The following TRAPPC8 variants were observed in gnomAD, a reference collection of about 807,000 sequenced individuals.
TRAPPC8 encodes the protein general sporulation gene 1 homolog.
In TRAPPC8, 54 loss-of-function variants were observed where a neutral mutation model predicts 174.3. The ratio of observed to expected loss-of-function variants is 0.31; its 90% confidence interval spans 0.25 to 0.39. The LOEUF (loss-of-function observed/expected upper bound fraction) is 0.39. Ranked by LOEUF, TRAPPC8 falls within the 10% of genes least tolerant of loss-of-function variation. The probability of loss-of-function intolerance (pLI) is 1.00; values close to 1 mark genes in which losing one functional copy is unlikely to be tolerated. For missense variants in TRAPPC8, 1,531 were observed against 1,699.1 expected (o/e 0.90, Z 1.74); for synonymous variants, 630 against 579.9 (o/e 1.09, Z -1.24).
intron 27 of TRAPPC8, among the ~76,000 whole-genome samples, chr18:31,834,523 G>T (rs1366218383): frequency 2.0e-5 from 3 of 152,168 alleles, no homozygotes; most frequent in African/African-American, 7.2e-5. Flanking sequence ...TCCCACCACT[G>T]CATCCAGTGA....
At chr18:31,899,494 A>C (rs2036320833) in intron 10 of TRAPPC8, among the ~76,000 whole-genome samples, 1 of 152,220 alleles carries the variant, frequency 6.6e-6, no homozygotes, top group South Asian at 2.1e-4. Flanking sequence ...ATAGGGGTCA[A>C]AATTGCCTCT....
chr18:31,845,293 G>A (rs1459797543), intron 26 of TRAPPC8: 1 of 152,036 alleles, frequency 6.6e-6, no homozygotes, highest in Non-Finnish European at 1.5e-5. Flanking sequence ...GATTAAAAGA[G>A]ACTAAAGAGA....
intron 1 of TRAPPC8, among the ~76,000 whole-genome samples, chr18:31,932,622 C>T (rs1463867574): frequency 2.0e-5 from 3 of 152,104 alleles, no homozygotes; most frequent in Non-Finnish European, 4.4e-5. Flanking sequence ...CCACAGTCCA[C>T]AGAACAAAAT....
intron 1 of TRAPPC8, among the ~76,000 whole-genome samples, chr18:31,939,100 A>AAT (rs1468572358): frequency 7.3e-5 from 11 of 150,586 alleles, no homozygotes; most frequent in Non-Finnish European, 1.6e-4. Context: ...AAAAAAAAAA[A>AAT]AAAAGCTGTC....
At chr18:31,942,391 G>C (rs1447739578) in intron 1 of TRAPPC8, among the ~76,000 whole-genome samples, 2 of 152,204 alleles carry the variant, frequency 1.3e-5, no homozygotes, top group Non-Finnish European at 2.9e-5. Context: ...AAGAAAGGAA[G>C]TGCCCAGAGA....
At chr18:31,883,534 A>G (rs942430042) in intron 12 of TRAPPC8, 2 of 152,604 alleles carry the variant, frequency 1.3e-5, no homozygotes, top group Non-Finnish European at 2.9e-5. Flanking sequence ...GTCAATCACA[A>G]TTCATGGGGA....
intron 8 of TRAPPC8, among the ~76,000 whole-genome samples, chr18:31,908,028 T>C (rs957108328): frequency 3.3e-5 from 5 of 152,222 alleles, no homozygotes; most frequent in African/African-American, 4.8e-5. Flanking sequence ...ATTTTAGATA[T>C]AGAATGGTTA....
intron 27 of TRAPPC8, among the ~76,000 whole-genome samples, chr18:31,832,775 G>C (rs2032452683): frequency 6.6e-6 from 1 of 152,064 alleles, no homozygotes; most frequent in Admixed American, 6.6e-5. Flanking sequence ...GAGGACATGC[G>C]AATAGAGTGG....
intron 2 of TRAPPC8, among the ~76,000 whole-genome samples, chr18:31,924,785 T>C (rs2037544362): frequency 7.0e-6 from 1 of 142,652 alleles, no homozygotes; most frequent in South Asian, 2.2e-4. Context: ...AGTTAAGCTA[T>C]AGTAATTGCC....
At chr18:31,840,326 C>T (rs2033017995) in intron 26 of TRAPPC8, among the ~76,000 whole-genome samples, 2 of 141,880 alleles carry the variant, frequency 1.4e-5, no homozygotes, top group Admixed American at 6.9e-5. Flanking sequence ...CACTGCACTC[C>T]AACCTGGGCA....
chr18:31,940,741 C>T (rs1247133158), intron 1 of TRAPPC8, among the ~76,000 whole-genome samples: 2 of 152,056 alleles, frequency 1.3e-5, no homozygotes, highest in East Asian at 2.0e-4. Context: ...TCGTGATCCA[C>T]CCGCCTCGGC....
chr18:31,898,432 C>T (rs1181347627), intron 10 of TRAPPC8, among the ~76,000 whole-genome samples: 2 of 152,164 alleles, frequency 1.3e-5, no homozygotes, highest in Non-Finnish European at 2.9e-5. Flanking sequence ...AGTAAGAATA[C>T]AATGCAAAGT....
chr18:31,858,114 C>A, intron 19 of TRAPPC8, 132 bp from the exon 20 acceptor site: 2 of 716,354 alleles, frequency 2.8e-6, no homozygotes, highest in South Asian at 2.0e-5. Context: ...TTGGTATCTC[C>A]CTGAATATGT....
In TRAPPC8 at chr18:31,830,457, C is replaced by T. The variant is rs1445247619; in HGVS notation, c.*298G>A. 3.3e-6 allele frequency: 1 copy of T among 299,796 alleles called. No individual in the cohort carries two copies. Among genetic ancestry groups the T allele is most frequent in the Non-Finnish European group, 6.2e-6 (1 of 161,066 alleles). 18.6% of individuals were successfully genotyped at this position (299,796 alleles called of 1,614,324 possible). The stretch of plus-strand genomic sequence containing the variant: ...TTCGTATACCATTGACAAGTTGTAA[C>T]AGCAGACTTAGACTTTGTGTTTTCT... On this transcript the variant is annotated 3_prime_UTR_variant, in exon 29 of 29. Coordinates refer to ENST00000283351, the MANE Select transcript of TRAPPC8 (RefSeq NM_014939.5).
intron 19 of TRAPPC8, among the ~76,000 whole-genome samples, chr18:31,860,025 A>AG (rs2034245012): frequency 1.3e-5 from 2 of 152,114 alleles, no homozygotes; most frequent in Admixed American, 1.3e-4. Flanking sequence ...CAAAAAAAAA[A>AG]AAAGAACAAG....
intron 9 of TRAPPC8, 40 bp downstream of exon 9, chr18:31,907,420 G>A: frequency 6.7e-7 from 1 of 1,499,282 alleles, no homozygotes; most frequent in Non-Finnish European, 8.9e-7. Context: ...ATAATTTATG[G>A]TAGCAGAATT....
At chr18:31,887,466 G>A (rs1222560174) in intron 12 of TRAPPC8, among the ~76,000 whole-genome samples, 1 of 151,992 alleles carries the variant, frequency 6.6e-6, no homozygotes, top group Non-Finnish European at 1.5e-5. Context: ...CCAACGTGGT[G>A]AAACCCCATC....
intron 26 of TRAPPC8, among the ~76,000 whole-genome samples, chr18:31,845,932 T>C (rs924644120): frequency 2.0e-5 from 3 of 152,200 alleles, no homozygotes; most frequent in Admixed American, 6.5e-5. Flanking sequence ...GATTAAGTAT[T>C]ATTTTAGGAA....
chr18:31,915,277 G>T (rs542994991), intron 4 of TRAPPC8, among the ~76,000 whole-genome samples: 1 of 151,620 alleles, frequency 6.6e-6, no homozygotes, highest in Admixed American at 6.6e-5. Context: ...CCTGGCCTAC[G>T]TGGTGAAACC....
Sources: gnomAD v4.1 joint callset for allele counts (sites outside exome capture counted in the v4.1 genomes callset) on GRCh38, gnomAD v4.1.1 for gene constraint, MANE v1.5 for transcripts, NCBI Gene and HGNC (gene_info 2026-07-23, HGNC 2026-07-21) for gene names.